The following TMEM229B variants were observed in gnomAD, a reference collection of about 807,000 sequenced individuals.
The protein encoded by TMEM229B is transmembrane protein 229B.
In TMEM229B, 6 loss-of-function variants were observed where a neutral mutation model predicts 13.7. The observed-to-expected ratio is 0.44, with a 90% CI of 0.24 to 0.86. The LOEUF is 0.86. TMEM229B is among the 40% of genes least tolerant of loss of function. The pLI is 0.23. For synonymous variants in TMEM229B, 107 were observed against 102.1 expected, an observed-to-expected ratio of 1.05 and a Z score of -0.29; for missense variants, 170 against 236.0, an observed-to-expected ratio of 0.72 and a Z score of 1.83.
At chr14:67,517,876 C>G (rs189607990), upstream of TMEM229B, among the ~76,000 whole-genome samples, 1 of 152,284 alleles carries the variant, frequency 6.6e-6, no homozygotes, top group East Asian at 1.9e-4. Context: ...TCTTCTGGTA[C>G]CCCTTGCAAG....
In TMEM229B at chr14:67,487,502, A is replaced by C. The variant is rs1052722794; in HGVS notation, c.-191-330T>G. ...CCATTCTCATTCAGCTTCAAATTAC[A>C]TTCTCACCTTCACCCTGTAGTGGGT... On this transcript the variant is annotated intron_variant, in intron 1 of 2. Transcript: ENST00000554480. Among the ~76,000 whole-genome samples, 11 of 152,290 alleles carry C rather than the reference A, an allele frequency of 7.2e-5. No homozygotes were observed. In the East Asian group the frequency reaches 7.7e-4, roughly 11 times the overall value.
At position 67,473,975 on chromosome 14, in the gene TMEM229B, G is replaced by T. The variant is rs759513162; in HGVS notation, c.-18-34C>A. The T allele has an allele frequency of 7.2e-6, 11 of 1,530,950 alleles. No homozygotes were observed. Among genetic ancestry groups the T allele is most frequent in the Non-Finnish European group, 9.6e-6 (11 of 1,140,780 alleles). The allele number at this position is 1,530,950 out of a possible 1,614,324, so 94.8% of individuals were successfully genotyped here. ...GGCGCAAGAGAGACAGGTGAGGGCC[G>T]GGCGCGGTGGCTCACGCCTATAATC... On this transcript the variant is annotated intron_variant, in intron 2 of 2. Transcript: ENST00000554480. This position sits in a 1 kb window ranked among gnomAD's most constrained non-coding sequence, Gnocchi z 6.5.
At chr14:67,502,653 T>C (rs1165114304) in intron 1 of TMEM229B, among the ~76,000 whole-genome samples, 5 of 151,854 alleles carry the variant, frequency 3.3e-5, no homozygotes, top group African/African-American at 9.7e-5. Context: ...CATTCCTCCA[T>C]GTTGGTCAGG....
intron 1 of TMEM229B, among the ~76,000 whole-genome samples, chr14:67,523,216 G>A (rs1267596223): frequency 6.6e-6 from 1 of 151,898 alleles, no homozygotes; most frequent in Admixed American, 6.6e-5. Context: ...CCAGCTACTC[G>A]GGAGGCTAAG....
chr14:67,503,425 G>A (rs759206997), intron 1 of TMEM229B: 3 of 152,236 alleles, frequency 2.0e-5, no homozygotes, highest in African/African-American at 7.2e-5. Flanking sequence ...GGGGAGATAC[G>A]TTTGGAAAAG....
At chr14:67,533,014 C>T (rs905439047) in intron 1 of TMEM229B, among the ~76,000 whole-genome samples, 3 of 152,146 alleles carry the variant, frequency 2.0e-5, no homozygotes, top group Non-Finnish European at 4.4e-5. Context: ...CCCTGCCGCC[C>T]CAGGGACGAG....
intron 2 of TMEM229B, among the ~76,000 whole-genome samples, chr14:67,485,710 A>G (rs1288340795): frequency 2.0e-5 from 3 of 152,162 alleles, no homozygotes; most frequent in Non-Finnish European, 4.4e-5. Flanking sequence ...GCCAATTGTC[A>G]TTTTTTAAGG....
chr14:67,476,427 A>G (rs1405908941), intron 2 of TMEM229B, among the ~76,000 whole-genome samples: 1 of 152,026 alleles, frequency 6.6e-6, no homozygotes, highest in African/African-American at 2.4e-5. Flanking sequence ...TCTCTACTAA[A>G]AATACAAAAA....
chr14:67,520,400 C>T (rs916658669), upstream of TMEM229B, among the ~76,000 whole-genome samples: 62 of 152,330 alleles, frequency 4.1e-4, no homozygotes, highest in African/African-American at 1.3e-3. Context: ...ACAGTTTTGC[C>T]TTTTCCAGAA....
intron 1 of TMEM229B, among the ~76,000 whole-genome samples, chr14:67,496,743 T>C (rs2032401621): frequency 6.9e-6 from 1 of 145,022 alleles, no homozygotes; most frequent in Non-Finnish European, 1.5e-5. Flanking sequence ...TCTCTCTTTC[T>C]TTCCTTCCTT....
At chr14:67,532,810 T>C (rs927756913) in intron 1 of TMEM229B, among the ~76,000 whole-genome samples, 12 of 152,238 alleles carry the variant, frequency 7.9e-5, no homozygotes, top group Non-Finnish European at 1.5e-4. Context: ...ATCCAGACGT[T>C]ACAGTTCCCA....
chr14:67,499,200 T>C (rs961296220), intron 1 of TMEM229B, among the ~76,000 whole-genome samples: 1 of 151,938 alleles, frequency 6.6e-6, no homozygotes, highest in Middle Eastern at 3.4e-3. Flanking sequence ...TATGGGGTCC[T>C]GCTATGTTGC....
At chr14:67,521,687 A>G (rs192829673) in intron 1 of TMEM229B, among the ~76,000 whole-genome samples, 129 of 152,332 alleles carry the variant, frequency 8.5e-4, no homozygotes, top group African/African-American at 3.1e-3. Context: ...TAAGACATTA[A>G]TGGGTGTGCA....
At chr14:67,531,938 G>T (rs1286614755) in intron 1 of TMEM229B, among the ~76,000 whole-genome samples, 1 of 145,930 alleles carries the variant, frequency 6.9e-6, no homozygotes, top group Non-Finnish European at 1.5e-5. Context: ...AAAAGTGAAT[G>T]AATGAATTAA....
chr14:67,506,677 A>C (rs917901417), intron 1 of TMEM229B, among the ~76,000 whole-genome samples: 5 of 152,182 alleles, frequency 3.3e-5, no homozygotes, highest in African/African-American at 1.2e-4. Flanking sequence ...AAAGAATCCA[A>C]GGGTCCTTAG....
At chr14:67,482,690 CCT>C (rs1391162513) in intron 2 of TMEM229B, among the ~76,000 whole-genome samples, 2 of 152,202 alleles carry the variant, frequency 1.3e-5, no homozygotes, top group African/African-American at 4.8e-5. Context: ...CTGAACTTCC[CCT>C]GTTGTCATCA....
At chr14:67,497,363 G>A (rs2032432474) in intron 1 of TMEM229B, among the ~76,000 whole-genome samples, 1 of 152,150 alleles carries the variant, frequency 6.6e-6, no homozygotes, top group South Asian at 2.1e-4. Flanking sequence ...CCGAGACACT[G>A]TAGCGCAGGC....
chr14:67,525,393 T>C (rs1405784266), intron 1 of TMEM229B, among the ~76,000 whole-genome samples: 1 of 152,272 alleles, frequency 6.6e-6, no homozygotes, highest in Non-Finnish European at 1.5e-5. Context: ...TATTTCATTT[T>C]CTAGATGAAT....
At chr14:67,510,385 C>T (rs1372506635) in intron 1 of TMEM229B, among the ~76,000 whole-genome samples, 1 of 152,280 alleles carries the variant, frequency 6.6e-6, no homozygotes, top group East Asian at 1.9e-4. Context: ...AGCTCACACA[C>T]AGACGAATCA....
Sources: allele counts gnomAD v4.1 joint callset (sites outside exome capture counted in the v4.1 genomes callset), GRCh38; gene constraint gnomAD v4.1.1; non-coding constraint Gnocchi (gnomAD v3.1); transcripts MANE v1.5; gene names NCBI Gene and HGNC (gene_info 2026-07-23, HGNC 2026-07-21).